The following DMD variants were observed in gnomAD, a reference collection of about 807,000 sequenced individuals.
DMD encodes the protein dystrophin, also known as mutant dystrophin.
A neutral mutation model predicts 330.1 loss-of-function variants in DMD; 63 were observed. That is an observed-to-expected ratio of 0.19 (90% CI 0.16 to 0.24). The LOEUF is 0.24. Ranked by LOEUF, DMD falls within the 10% of genes least tolerant of loss-of-function variation. The pLI is 1.00. For missense variants in DMD, 3,344 were observed against 2,684.1 expected (o/e 1.25, Z -5.43); for synonymous variants, 1,223 against 959.8 (o/e 1.27, Z -5.07).
chrX:32,085,616 A>C, intron 44 of DMD, among the ~76,000 whole-genome samples: 2 of 90,607 alleles, frequency 2.2e-5, no homozygotes, highest in East Asian at 7.8e-4. Context: ...GTATATATAT[A>C]CGTATATATA....
At chrX:31,264,174 A>G (rs1330270409) in intron 62 of DMD, among the ~76,000 whole-genome samples, 1 of 112,279 alleles carries the variant, frequency 8.9e-6, no homozygotes, top group Non-Finnish European at 1.9e-5. Context: ...CCTGCCTTCT[A>G]AAACAGTAGA....
intron 1 of DMD, among the ~76,000 whole-genome samples, chrX:33,133,271 T>C (rs188140309): frequency 3.6e-5 from 4 of 111,642 alleles, no homozygotes; most frequent in Admixed American, 9.5e-5. Flanking sequence ...GGGAACAACG[T>C]AGACTTCGAA....
chrX:33,274,284 C>T (rs1045733315), intron 1 of DMD, among the ~76,000 whole-genome samples: 1 of 111,700 alleles, frequency 9.0e-6, no homozygotes, highest in Admixed American at 9.6e-5. Context: ...ATATTAGCCA[C>T]TACCAAGTCA....
At chrX:33,182,707 T>A (rs1418896515) in intron 1 of DMD, among the ~76,000 whole-genome samples, 1 of 112,382 alleles carries the variant, frequency 8.9e-6, no homozygotes, top group Non-Finnish European at 1.9e-5. Flanking sequence ...TTTTTCTAAT[T>A]TGCATAAAGA....
chrX:32,975,725 A>G (rs1378462432), intron 2 of DMD, among the ~76,000 whole-genome samples: 1 of 110,218 alleles, frequency 9.1e-6, no homozygotes, highest in African/African-American at 3.3e-5. Context: ...GAGGCTGGAG[A>G]TGTTGAAACC....
intron 51 of DMD, among the ~76,000 whole-genome samples, chrX:31,741,150 T>C (rs923358845): frequency 2.7e-5 from 3 of 111,964 alleles, no homozygotes; most frequent in African/African-American, 9.7e-5. Context: ...CTGGTTCTCA[T>C]GCTATTTCTA....
At chrX:31,304,191 T>TA (rs1376007413) in intron 62 of DMD, among the ~76,000 whole-genome samples, 1 of 112,182 alleles carries the variant, frequency 8.9e-6, no homozygotes, top group African/African-American at 3.2e-5. Context: ...AACTTCTTAC[T>TA]AACTTGGCTA....
intron 60 of DMD, among the ~76,000 whole-genome samples, chrX:31,414,230 G>A (rs904471253): frequency 1.8e-5 from 2 of 110,487 alleles, no homozygotes; most frequent in African/African-American, 3.3e-5. Context: ...GGTCAGGCTG[G>A]TCTTGAACTC....
intron 1 of DMD, among the ~76,000 whole-genome samples, chrX:33,092,072 T>C (rs776841786): frequency 5.9e-4 from 66 of 111,669 alleles, no homozygotes; most frequent in African/African-American, 1.9e-3. Flanking sequence ...TTGTGTTTTA[T>C]TTATAGTGTC....
At chrX:33,193,189 C>T (rs1414751632) in intron 1 of DMD, among the ~76,000 whole-genome samples, 3 of 111,383 alleles carry the variant, frequency 2.7e-5, no homozygotes, top group Admixed American at 1.9e-4. Flanking sequence ...CGCCTGTAAT[C>T]CCAGTTACTC....
intron 52 of DMD, among the ~76,000 whole-genome samples, chrX:31,688,128 C>T (rs2082816018): frequency 9.1e-6 from 1 of 109,838 alleles, no homozygotes; most frequent in African/African-American, 3.3e-5. Context: ...ATGAAGCATA[C>T]CTACAAGATC....
chrX:31,943,213 C>T (rs970788374), intron 45 of DMD, among the ~76,000 whole-genome samples: 2 of 112,249 alleles, frequency 1.8e-5, no homozygotes, highest in African/African-American at 6.5e-5. Context: ...AGTTTACCAC[C>T]ATCTGCTATG....
chrX:31,724,956 C>G (rs377524797), intron 52 of DMD, among the ~76,000 whole-genome samples: 4 of 112,143 alleles, frequency 3.6e-5, no homozygotes, highest in Middle Eastern at 4.6e-3. Flanking sequence ...ATTAGACACT[C>G]AAATACACAG....
chrX:32,507,773 T>G (rs1350078005), intron 18 of DMD, among the ~76,000 whole-genome samples: 1 of 111,761 alleles, frequency 8.9e-6, no homozygotes, highest in East Asian at 2.8e-4. Context: ...TTTCCATATG[T>G]ATGTCATAAT....
At chrX:32,792,570 TA>T (rs1434981786) in intron 7 of DMD, among the ~76,000 whole-genome samples, 5 of 111,829 alleles carry the variant, frequency 4.5e-5, no homozygotes, top group Non-Finnish European at 9.4e-5. Flanking sequence ...CTGCCTAAAA[TA>T]AACTCATTTC....
At position 32,218,495 on chromosome X, in the gene DMD, G is replaced by T. The variant is rs187615882; in HGVS notation, c.6291-1432C>A. ...CTGAACTCTATTCTTAAGAAGCAATGGATCATACTTTTGAATACCATGATA... is the reference window on the plus strand; with the variant it reads ...CTGAACTCTATTCTTAAGAAGCAATTGATCATACTTTTGAATACCATGATA... On this transcript the variant is annotated intron_variant, in intron 43 of 78. Transcript: ENST00000357033. Among the ~76,000 whole-genome samples, 5 of 111,615 alleles carry T rather than the reference G, an allele frequency of 4.5e-5. No individual in the cohort carries two copies. The East Asian group carries it at 1.4e-3, about 32-fold the overall frequency.
chrX:32,629,811 A>AC (rs2058615031), intron 11 of DMD, among the ~76,000 whole-genome samples: 1 of 110,495 alleles, frequency 9.1e-6, no homozygotes, highest in African/African-American at 3.3e-5. Context: ...AAAAAAAAAA[A>AC]AATGCTACAC....
chrX:32,667,785 T>C (rs905204701), intron 9 of DMD, among the ~76,000 whole-genome samples: 2 of 96,253 alleles, frequency 2.1e-5, no homozygotes, highest in Admixed American at 1.2e-4. Context: ...TTTTTTTTTT[T>C]CCAGTTTTCT....
At position 32,491,708 on chromosome X, in the gene DMD, T is replaced by C. The variant is rs188144634; in HGVS notation, c.2381-190A>G. On this transcript the variant is annotated intron_variant, in intron 19 of 78. Transcript: ENST00000357033. ...TTCAATGTGAATTATCAGACTTGCG[T>C]CACAACAATGAATATCAATGCCATC... Among the ~76,000 whole-genome samples the C allele has an allele frequency of 3.1e-3, 349 of 111,710 alleles. 3 individuals carry two copies. Among genetic ancestry groups the C allele is most frequent in the African/African-American group, 0.011 (325 of 30,745 alleles).
Sources: allele counts gnomAD v4.1 joint callset (sites outside exome capture counted in the v4.1 genomes callset), GRCh38; gene constraint gnomAD v4.1.1; transcripts MANE v1.5; gene names NCBI Gene and HGNC (gene_info 2026-07-23, HGNC 2026-07-21).